IL1RAPL1: variants seen among roughly 807,000 people sequenced by gnomAD.
IL1RAPL1 encodes interleukin 1 receptor accessory protein like 1.
In IL1RAPL1, 3 loss-of-function variants were observed where a neutral mutation model predicts 48.4. The ratio of observed to expected loss-of-function variants is 0.06; its 90% confidence interval spans 0.03 to 0.16. The LOEUF is 0.16. IL1RAPL1 is among the 10% of genes least tolerant of loss of function. The pLI is 1.00. For synonymous variants in IL1RAPL1, 185 were observed against 187.7 expected (o/e 0.99, Z 0.12); for missense variants, 349 against 530.6 (o/e 0.66, Z 3.36).
At chrX:28,641,515 G>A (rs1404059974) in intron 1 of IL1RAPL1, among the ~76,000 whole-genome samples, 1 of 111,612 alleles carries the variant, frequency 9.0e-6, no homozygotes, top group Non-Finnish European at 1.9e-5. Flanking sequence ...AATAGTGCGT[G>A]CTGCAATAAA....
At chrX:29,485,259 T>G (rs1033177247) in intron 5 of IL1RAPL1, among the ~76,000 whole-genome samples, 3 of 112,006 alleles carry the variant, frequency 2.7e-5, no homozygotes, top group Non-Finnish European at 5.6e-5. Flanking sequence ...TTGCCTATAG[T>G]TTTATTATCT....
intron 6 of IL1RAPL1, among the ~76,000 whole-genome samples, chrX:29,782,583 G>A (rs185961355): frequency 1.8e-3 from 200 of 111,155 alleles, no homozygotes; most frequent in African/African-American, 6.1e-3. Context: ...GGGGATGAAG[G>A]CTATAAGACA....
intron 1 of IL1RAPL1, among the ~76,000 whole-genome samples, chrX:28,643,383 C>T (rs1268933468): frequency 9.0e-6 from 1 of 111,042 alleles, no homozygotes; most frequent in Non-Finnish European, 1.9e-5. Context: ...TGGAAGCCAC[C>T]ATGCATTCTG....
chrX:29,853,642 T>C (rs1931420885), intron 6 of IL1RAPL1, among the ~76,000 whole-genome samples: 1 of 112,037 alleles, frequency 8.9e-6, no homozygotes, highest in Non-Finnish European at 1.9e-5. Context: ...AAGCATAACA[T>C]TTATTAAATC....
intron 1 of IL1RAPL1, among the ~76,000 whole-genome samples, chrX:28,660,086 G>GGTGTGTGT (rs60600833): frequency 0.014 from 1,095 of 76,420 alleles, 29 homozygotes; most frequent in East Asian, 0.048. Context: ...GAGTGAGGAT[G>GGTGTGTGT]GTGTGTGTGT....
chrX:29,529,830 A>G (rs1309259212), intron 5 of IL1RAPL1, among the ~76,000 whole-genome samples: 1 of 111,521 alleles, frequency 9.0e-6, no homozygotes, highest in African/African-American at 3.3e-5. Context: ...AGAGAAAGGG[A>G]AGAGAGAATG....
chrX:29,017,148 G>T (rs184153012), intron 2 of IL1RAPL1, among the ~76,000 whole-genome samples: 9 of 112,008 alleles, frequency 8.0e-5, no homozygotes, highest in Non-Finnish European at 1.1e-4. Context: ...CAAAGAGAAT[G>T]ATGAAAAAGC....
chrX:29,339,075 TACACACACACAC>T (rs758487838), intron 3 of IL1RAPL1, among the ~76,000 whole-genome samples: 12 of 92,319 alleles, frequency 1.3e-4, no homozygotes, highest in East Asian at 3.4e-4. Flanking sequence ...GCTGGGTAAA[TACACACACACAC>T]ACACACACAC....
chrX:29,419,593 T>A (rs1187144990), intron 5 of IL1RAPL1, among the ~76,000 whole-genome samples: 1 of 112,127 alleles, frequency 8.9e-6, no homozygotes, highest in African/African-American at 3.2e-5. Context: ...AATGCTGGGA[T>A]TACAGGCATG....
rs769025895 is a variant in IL1RAPL1 at position 29,939,639 on chromosome X, T to G, written c.1058-2012T>G. On this transcript the variant is annotated intron_variant, in intron 8 of 10. Transcript: ENST00000378993. Reference sequence around the variant, plus strand: ...GCTGCTGGAGGTATTTTTCAGTGTTTTACACTTCATATTAATTTACTTAGA... The same window carrying G: ...GCTGCTGGAGGTATTTTTCAGTGTTGTACACTTCATATTAATTTACTTAGA... 7.1e-5 allele frequency among the ~76,000 whole-genome samples: 8 copies of G among 112,388 alleles called. No homozygotes were observed. The East Asian group carries it at 1.4e-3, about 20-fold the overall frequency.
chrX:29,602,737 A>G (rs1423258000), intron 5 of IL1RAPL1, among the ~76,000 whole-genome samples: 1 of 112,846 alleles, frequency 8.9e-6, no homozygotes, highest in Non-Finnish European at 1.9e-5. Context: ...TCCCCTGGAA[A>G]TTCACAAAGA....
chrX:29,540,286 C>T (rs1480376508), intron 5 of IL1RAPL1, among the ~76,000 whole-genome samples: 1 of 110,215 alleles, frequency 9.1e-6, no homozygotes, highest in African/African-American at 3.3e-5. Context: ...ATAGATGTCA[C>T]AAACAAGTGG....
intron 5 of IL1RAPL1, among the ~76,000 whole-genome samples, chrX:29,556,731 T>A (rs1228410121): frequency 8.9e-6 from 1 of 111,798 alleles, no homozygotes; most frequent in Non-Finnish European, 1.9e-5. Context: ...GAACAACTTT[T>A]TGAAAAGTGT....
At chrX:29,336,258 CATATATATGCCATATATATATATAT>C (rs1932992541) in intron 3 of IL1RAPL1, among the ~76,000 whole-genome samples, 1 of 38,959 alleles carries the variant, frequency 2.6e-5, no homozygotes, top group Admixed American at 3.6e-4. Flanking sequence ...TAATATATTA[CATATATATGCCATATATATATATAT>C]ATATATATGC....
chrX:29,103,862 A>G (rs1013215325), intron 2 of IL1RAPL1, among the ~76,000 whole-genome samples: 2 of 112,216 alleles, frequency 1.8e-5, no homozygotes, highest in African/African-American at 6.5e-5. Flanking sequence ...AAATAGGTCT[A>G]TGAAAAGGTA....
At chrX:29,903,738 A>C (rs1932549124) in intron 6 of IL1RAPL1, among the ~76,000 whole-genome samples, 1 of 111,843 alleles carries the variant, frequency 8.9e-6, no homozygotes, top group African/African-American at 3.3e-5. Context: ...GCAGTGTGAC[A>C]AGCATTGTTC....
At chrX:29,823,284 G>A (rs1262522848) in intron 6 of IL1RAPL1, among the ~76,000 whole-genome samples, 1 of 111,894 alleles carries the variant, frequency 8.9e-6, no homozygotes, top group African/African-American at 3.2e-5. Context: ...ATAAATAATA[G>A]CCTGAGCAGC....
chrX:28,904,662 A>T (rs1224423952), intron 2 of IL1RAPL1, among the ~76,000 whole-genome samples: 1 of 112,226 alleles, frequency 8.9e-6, no homozygotes, highest in Admixed American at 9.5e-5. Context: ...TTCAAGCCTT[A>T]CAATTTCTAC....
rs772329124 is a variant in IL1RAPL1 at position 29,427,251 on chromosome X, A to T, written c.703+27943A>T. Among the ~76,000 whole-genome samples, 10 of 111,843 alleles carry T rather than the reference A, an allele frequency of 8.9e-5. No individual in the cohort carries two copies. The Admixed American group carries it at 9.5e-4, about 11-fold the overall frequency. On this transcript the variant is annotated intron_variant, in intron 5 of 10. Transcript: ENST00000378993. The stretch of plus-strand genomic sequence containing the variant: ...ACAAATCAGTAAAGAAGTAACAGGC[A>T]TAAGACTGAAGTAAAAAAACAAAGA...
Sources: gnomAD v4.1 joint callset for allele counts (sites outside exome capture counted in the v4.1 genomes callset) on GRCh38, gnomAD v4.1.1 for gene constraint, MANE v1.5 for transcripts, NCBI Gene and HGNC (gene_info 2026-07-23, HGNC 2026-07-21) for gene names.